Variants in DNAH9 observed in about 807,000 individuals in gnomAD.
DNAH9 encodes dynein axonemal heavy chain 9, also known as DNAH9 variant protein.
A neutral mutation model predicts 471.6 loss-of-function variants in DNAH9; 345 were observed. The ratio of observed to expected loss-of-function variants is 0.73; its 90% confidence interval spans 0.67 to 0.80. The LOEUF (loss-of-function observed/expected upper bound fraction) is 0.80. Ranked by LOEUF, DNAH9 falls within the 30% of genes least tolerant of loss-of-function variation. DNAH9 has a pLI of 0.00. For synonymous variants in DNAH9, 2,093 were observed against 2,123.6 expected (o/e 0.99, Z 0.40); for missense variants, 5,407 against 5,609.2 (o/e 0.96, Z 1.15).
intron 59 of DNAH9, among the ~76,000 whole-genome samples, chr17:11,897,774 C>T (rs1973265348): frequency 6.6e-6 from 1 of 152,204 alleles, no homozygotes; most frequent in African/African-American, 2.4e-5. Context: ...CTGTGTAAGA[C>T]ACGGAGTAAA....
At chr17:11,769,777 G>T (rs1020631325) in intron 38 of DNAH9, among the ~76,000 whole-genome samples, 1 of 152,222 alleles carries the variant, frequency 6.6e-6, no homozygotes, top group Non-Finnish European at 1.5e-5. Flanking sequence ...CAAGTGGTGA[G>T]GCAGGCATGA....
intron 14 of DNAH9, among the ~76,000 whole-genome samples, chr17:11,655,555 C>T (rs2073623517): frequency 6.6e-6 from 1 of 151,672 alleles, no homozygotes; most frequent in Admixed American, 6.6e-5. Context: ...TTTATGACTA[C>T]CCTGGAGGTT....
chr17:11,844,873 G>T (rs993793813), intron 49 of DNAH9, among the ~76,000 whole-genome samples: 1 of 152,008 alleles, frequency 6.6e-6, no homozygotes, highest in Non-Finnish European at 1.5e-5. Flanking sequence ...ATTTCATTGC[G>T]GTTTTGATTT....
intron 35 of DNAH9, among the ~76,000 whole-genome samples, chr17:11,758,832 A>G (rs1567780133): frequency 6.6e-6 from 1 of 152,142 alleles, no homozygotes; most frequent in Non-Finnish European, 1.5e-5. Context: ...ATTACTTTTG[A>G]TTTCATAGTT....
At chr17:11,826,358 T>TGGGGG (rs67408362) in intron 48 of DNAH9, among the ~76,000 whole-genome samples, 1 of 150,822 alleles carries the variant, frequency 6.6e-6, no homozygotes, top group Non-Finnish European at 1.5e-5. Context: ...GGCCGGAAGC[T>TGGGGG]GGGGGGGTAA....
At chr17:11,701,962 G>A (rs547072853) in intron 24 of DNAH9, among the ~76,000 whole-genome samples, 7 of 152,306 alleles carry the variant, frequency 4.6e-5, no homozygotes, top group Admixed American at 3.3e-4. Flanking sequence ...GATTACAGAC[G>A]TGAGCCTCCG....
At chr17:11,633,411 G>A (rs1339348303) in intron 8 of DNAH9, among the ~76,000 whole-genome samples, 1 of 152,220 alleles carries the variant, frequency 6.6e-6, no homozygotes, top group Admixed American at 6.5e-5. Context: ...TCTTTAGCAA[G>A]TAGTTCAGTT....
At chr17:11,733,555 A>G (rs1342779284) in intron 28 of DNAH9, among the ~76,000 whole-genome samples, 2 of 152,190 alleles carry the variant, frequency 1.3e-5, no homozygotes, top group East Asian at 1.9e-4. Flanking sequence ...CTTGCAATAT[A>G]TAGAAGTAAA....
At chr17:11,769,907 T>G (rs1597620949) in intron 38 of DNAH9, among the ~76,000 whole-genome samples, 1 of 152,356 alleles carries the variant, frequency 6.6e-6, no homozygotes, top group African/African-American at 2.4e-5. Context: ...TCCCCTTAAC[T>G]CATTTACGAC....
intron 65 of DNAH9, 90 bp downstream of exon 65, chr17:11,934,161 C>T: frequency 1.4e-6 from 2 of 1,401,812 alleles, no homozygotes; most frequent in Non-Finnish European, 2.0e-6. Flanking sequence ...ACCAGGGAAG[C>T]CTCTGCTGGG....
chr17:11,693,775 G>C, intron 20 of DNAH9, 93 bp from the exon 21 acceptor site: 1 of 1,369,988 alleles, frequency 7.3e-7, no homozygotes, highest in Non-Finnish European at 1.0e-6. Context: ...TGACAACCCA[G>C]GAACAAGTTT....
chr17:11,896,428 T>A (rs908253162), intron 59 of DNAH9, among the ~76,000 whole-genome samples: 2 of 152,148 alleles, frequency 1.3e-5, no homozygotes, highest in African/African-American at 2.4e-5. Flanking sequence ...CAAAAACAGA[T>A]GGTGGGCCAG....
chr17:11,714,059 G>C (rs2074918192), intron 26 of DNAH9, among the ~76,000 whole-genome samples: 2 of 152,200 alleles, frequency 1.3e-5, no homozygotes, highest in South Asian at 4.1e-4. Flanking sequence ...ACAGATCCTA[G>C]AATTGGGGGC....
intron 27 of DNAH9, among the ~76,000 whole-genome samples, chr17:11,727,336 G>T (rs2075172015): frequency 1.3e-5 from 2 of 151,910 alleles, no homozygotes; most frequent in East Asian, 1.9e-4. Context: ...TTGTTTTTTG[G>T]TTTTGGTTTT....
At chr17:11,793,706 A>T in intron 42 of DNAH9, 42 bp downstream of exon 42, 1 of 1,472,530 alleles carries the variant, frequency 6.8e-7, no homozygotes, top group Admixed American at 2.1e-5. Flanking sequence ...TTGAAAAAAA[A>T]AAAGATAATT....
chr17:11,891,669 G>GA, intron 57 of DNAH9, 108 bp from the exon 58 acceptor site: 1 of 1,401,294 alleles, frequency 7.1e-7, no homozygotes, highest in Non-Finnish European at 9.6e-7. Flanking sequence ...CTGGCCTTGG[G>GA]AAAAAATTTC....
In DNAH9 at chr17:11,746,792, A is replaced by G. The variant is rs191921930; in HGVS notation, c.6400-764A>G. 3.7e-4 allele frequency among the ~76,000 whole-genome samples: 56 copies of G among 152,362 alleles called. 1 individual carries two copies. Among genetic ancestry groups the G allele is most frequent in the Admixed American group, 3.4e-3 (52 of 15,302 alleles). ...AAAGTTTTTAAGGGAAATGATTTCA[A>G]GACTAGAATTCTATACAACCAAATT... On this transcript the variant is annotated intron_variant, in intron 31 of 68. Transcript: ENST00000262442.
intron 44 of DNAH9, among the ~76,000 whole-genome samples, chr17:11,808,214 T>C (rs1378465777): frequency 1.3e-5 from 2 of 152,222 alleles, no homozygotes; most frequent in Non-Finnish European, 2.9e-5. Flanking sequence ...AGCAGACAGA[T>C]GGAATTCTGA....
intron 41 of DNAH9, among the ~76,000 whole-genome samples, chr17:11,785,807 G>A (rs905014473): frequency 1.3e-5 from 2 of 152,224 alleles, no homozygotes; most frequent in Admixed American, 1.3e-4. Context: ...TCCTGGCCTG[G>A]ACGACTTTCC....
Sources: allele counts gnomAD v4.1 joint callset (sites outside exome capture counted in the v4.1 genomes callset), GRCh38; gene constraint gnomAD v4.1.1; transcripts MANE v1.5; gene names NCBI Gene and HGNC (gene_info 2026-07-23, HGNC 2026-07-21).